The following NFIA variants were observed in gnomAD, a reference collection of about 807,000 sequenced individuals.
NFIA encodes nuclear factor 1 A-type.
NFIA carries 8 observed loss-of-function variants against 62.8 expected under a neutral mutation model. The observed-to-expected ratio is 0.13, with a 90% CI of 0.07 to 0.23. NFIA has a LOEUF of 0.23. Among genes scored for constraint, NFIA ranks in the 10% least tolerant of loss-of-function variants. The probability of loss-of-function intolerance (pLI) is 1.00; values close to 1 mark genes in which losing one functional copy is unlikely to be tolerated. For missense variants in NFIA, 410 were observed against 642.1 expected (o/e 0.64, Z 3.91); for synonymous variants, 235 against 238.1 (o/e 0.99, Z 0.12).
intron 2 of NFIA, among the ~76,000 whole-genome samples, chr1:61,234,845 T>C (rs971617993): frequency 1.3e-5 from 2 of 152,192 alleles, no homozygotes; most frequent in African/African-American, 2.4e-5. Context: ...ATACAGTTTA[T>C]GTTGTTTTAC....
chr1:61,406,542 T>TTGGGC lies in NFIA; in HGVS notation c.1255-20_1255-19insTGGGC. 1 of 1,253,828 alleles carries TTGGGC rather than the reference T, an allele frequency of 8.0e-7. No homozygotes were observed. Among genetic ancestry groups the TTGGGC allele is most frequent in the Non-Finnish European group, 1.1e-6 (1 of 931,742 alleles). 77.7% of individuals were successfully genotyped at this position (1,253,828 alleles called of 1,614,324 possible). A position where few individuals can be genotyped will look rare whatever the true frequency, so the allele number is the denominator to read the frequency against. ...TTCTTTTTCTTGTACGTGTGTTTTC[T>TTGGGC]GCCCCCCCCCCCCCCACAGCCCAAT... is the stretch of plus-strand genomic sequence containing the variant. On this transcript the variant is annotated intron_variant, in intron 8 of 10. Transcript: ENST00000403491.
chr1:61,127,393 G>GT (rs1646994738), intron 2 of NFIA, among the ~76,000 whole-genome samples: 1 of 151,268 alleles, frequency 6.6e-6, no homozygotes, highest in Admixed American at 6.6e-5. Flanking sequence ...GGAGGTGGAG[G>GT]TTGCAGTGAG....
At chr1:61,109,791 A>T (rs1026289111) in intron 2 of NFIA, among the ~76,000 whole-genome samples, 1 of 151,924 alleles carries the variant, frequency 6.6e-6, no homozygotes, top group Non-Finnish European at 1.5e-5. Context: ...GAAGAGTAGA[A>T]TTATGTTCTG....
At chr1:61,237,259 A>T (rs1022403870) in intron 2 of NFIA, among the ~76,000 whole-genome samples, 1 of 152,240 alleles carries the variant, frequency 6.6e-6, no homozygotes, top group African/African-American at 2.4e-5. Flanking sequence ...CCAACTCAGA[A>T]AAATATGCAC....
intron 2 of NFIA, among the ~76,000 whole-genome samples, chr1:61,272,613 C>T (rs1158436439): frequency 6.6e-6 from 1 of 152,078 alleles, no homozygotes; most frequent in African/African-American, 2.4e-5. Flanking sequence ...CTTCCCAAAC[C>T]CTCAGAAACT....
chr1:61,377,227 A>C (rs1664194325), intron 6 of NFIA, among the ~76,000 whole-genome samples: 1 of 152,084 alleles, frequency 6.6e-6, no homozygotes, highest in Non-Finnish European at 1.5e-5. Context: ...CATCTCAAAA[A>C]AAAGAAAGAA....
intron 2 of NFIA, among the ~76,000 whole-genome samples, chr1:61,239,998 T>TAA (rs1655247447): frequency 6.6e-6 from 1 of 152,148 alleles, no homozygotes; most frequent in Non-Finnish European, 1.5e-5. Flanking sequence ...TAGCATGGTT[T>TAA]ACGTCATATC....
intron 3 of NFIA, among the ~76,000 whole-genome samples, chr1:61,322,671 A>C (rs572991838): frequency 2.0e-5 from 3 of 149,530 alleles, no homozygotes; most frequent in Admixed American, 2.0e-4. Flanking sequence ...TATGTGTGAC[A>C]AACAGCAGAC....
At chr1:61,393,238 C>CCTCGCCCTCTCTCTCT (rs1557753566) in intron 7 of NFIA, among the ~76,000 whole-genome samples, 1 of 40,884 alleles carries the variant, frequency 2.4e-5, no homozygotes, top group Non-Finnish European at 3.7e-5. Context: ...TCTGCCTCGC[C>CCTCGCCCTCTCTCTCT]CTCTCCCTCT....
chr1:61,438,173 C>G (rs1667416572), intron 10 of NFIA, among the ~76,000 whole-genome samples: 2 of 152,182 alleles, frequency 1.3e-5, no homozygotes. Flanking sequence ...TGAGTTTGAT[C>G]TCAGTATGTG....
chr1:61,350,257 T>C (rs1662477224), intron 4 of NFIA, among the ~76,000 whole-genome samples: 1 of 152,182 alleles, frequency 6.6e-6, no homozygotes, highest in Non-Finnish European at 1.5e-5. Context: ...TCCCCAGTTA[T>C]AGTGGGGTGA....
At chr1:61,130,925 C>T (rs1647061111) in intron 2 of NFIA, among the ~76,000 whole-genome samples, 1 of 152,186 alleles carries the variant, frequency 6.6e-6, no homozygotes, top group South Asian at 2.1e-4. Flanking sequence ...AGGGCTATGA[C>T]AGATTCATAA....
At chr1:61,308,538 TG>T (rs1297038402) in intron 3 of NFIA, among the ~76,000 whole-genome samples, 2 of 152,170 alleles carry the variant, frequency 1.3e-5, no homozygotes, top group African/African-American at 2.4e-5. Flanking sequence ...AGTGAGCTGT[TG>T]GGGATAGTAA....
intron 6 of NFIA, among the ~76,000 whole-genome samples, chr1:61,360,301 A>G (rs1489873829): frequency 1.3e-5 from 2 of 152,228 alleles, no homozygotes; most frequent in African/African-American, 4.8e-5. Context: ...CTTCCTGAAT[A>G]TGGCAAGTCC....
intron 3 of NFIA, among the ~76,000 whole-genome samples, chr1:61,289,851 C>T (rs1178509754): frequency 6.6e-6 from 1 of 152,126 alleles, no homozygotes; most frequent in Non-Finnish European, 1.5e-5. Flanking sequence ...AGGACTGTTT[C>T]TGTGTGGATT....
At chr1:61,194,631 A>G (rs1003310221) in intron 2 of NFIA, among the ~76,000 whole-genome samples, 2 of 152,192 alleles carry the variant, frequency 1.3e-5, no homozygotes, top group African/African-American at 4.8e-5. Flanking sequence ...GAATTGTAAA[A>G]CTGGAAAGAA....
In NFIA at chr1:61,383,809, T is replaced by G. The variant is rs1354428743; in HGVS notation, c.1075+444T>G. ...AGCTTTTTCTCATCCCTGCTGACTCTCTTTCCATAAAACCTGATTTCAATA... is the reference window on the plus strand; with the variant it reads ...AGCTTTTTCTCATCCCTGCTGACTCGCTTTCCATAAAACCTGATTTCAATA... On this transcript the variant is annotated intron_variant, in intron 7 of 10. Coordinates refer to ENST00000403491, the MANE Select transcript of NFIA (RefSeq NM_001134673.4). Among the ~76,000 whole-genome samples, 7 of 152,238 alleles carry G rather than the reference T, an allele frequency of 4.6e-5. No individual in the cohort carries two copies. The South Asian group carries it at 1.2e-3, about 27-fold the overall frequency.
chr1:61,321,264 T>G (rs1312352014), intron 3 of NFIA, among the ~76,000 whole-genome samples: 2 of 151,916 alleles, frequency 1.3e-5, no homozygotes, highest in Non-Finnish European at 2.9e-5. Context: ...CCCTAAAGAT[T>G]ATTTTTGTTT....
chr1:61,204,147 T>C (rs899344924), intron 2 of NFIA, among the ~76,000 whole-genome samples: 2 of 152,220 alleles, frequency 1.3e-5, no homozygotes, highest in African/African-American at 4.8e-5. Flanking sequence ...ATTGCTCTCA[T>C]TAAAGTGACC....
Sources: gnomAD v4.1 joint callset for allele counts (sites outside exome capture counted in the v4.1 genomes callset) on GRCh38, gnomAD v4.1.1 for gene constraint, MANE v1.5 for transcripts, NCBI Gene and HGNC (gene_info 2026-07-23, HGNC 2026-07-21) for gene names.